ANKRD31: variants seen among roughly 807,000 people sequenced by gnomAD.
ANKRD31 encodes the protein ankyrin repeat domain-containing protein 31.
ANKRD31 carries 147 observed loss-of-function variants against 186.0 expected under a neutral mutation model. The ratio of observed to expected loss-of-function variants is 0.79; its 90% CI spans 0.69 to 0.91. The LOEUF (loss-of-function observed/expected upper bound fraction) is 0.91, where lower values mean the gene tolerates loss of function less well. ANKRD31 is among the 40% of genes least tolerant of loss of function. The pLI, the probability that ANKRD31 is intolerant of heterozygous loss-of-function variation, is 0.00. For synonymous variants in ANKRD31, 673 were observed against 736.4 expected (o/e 0.91, Z 1.39); for missense variants, 1,986 against 2,148.8 (o/e 0.92, Z 1.50).
intron 3 of ANKRD31, among the ~76,000 whole-genome samples, chr5:75,218,893 T>A (rs906815744): frequency 6.6e-6 from 1 of 152,160 alleles, no homozygotes; most frequent in African/African-American, 2.4e-5. Context: ...CACATGATTA[T>A]CCCAACAGAT....
chr5:75,083,805 A>G (rs1745275416), intron 24 of ANKRD31, among the ~76,000 whole-genome samples: 2 of 152,210 alleles, frequency 1.3e-5, no homozygotes, highest in African/African-American at 4.8e-5. Context: ...TGGTAAATCC[A>G]TATAATGGAA....
chr5:75,108,179 T>A lies in ANKRD31; in HGVS notation c.4244-562A>T, dbSNP rs1039609344. ...TTATTTTAAATACTTACACTATATATAATTATACATTATATGCACTTAAAA... is the reference window on the plus strand; with the variant it reads ...TTATTTTAAATACTTACACTATATAAAATTATACATTATATGCACTTAAAA... On this transcript the variant is annotated intron_variant, in intron 20 of 25. Transcript: ENST00000506364. 2.6e-5 allele frequency among the ~76,000 whole-genome samples: 4 copies of A among 151,882 alleles called. No individual in the cohort carries two copies. The South Asian group carries it at 6.2e-4, about 24-fold the overall frequency.
intron 18 of ANKRD31, among the ~76,000 whole-genome samples, chr5:75,117,463 C>A (rs762272514): frequency 2.6e-5 from 4 of 152,124 alleles, no homozygotes; most frequent in Non-Finnish European, 5.9e-5. Flanking sequence ...AATGAATATC[C>A]TTAGCTCTGA....
intron 24 of ANKRD31, among the ~76,000 whole-genome samples, chr5:75,080,921 A>AT (rs75298527): frequency 3.5e-5 from 5 of 142,484 alleles, no homozygotes; most frequent in East Asian, 2.0e-4. Flanking sequence ...ACACAAAATT[A>AT]TTTTTTTTTT....
chr5:75,139,949 G>T (rs1277632952), intron 15 of ANKRD31, among the ~76,000 whole-genome samples: 1 of 152,008 alleles, frequency 6.6e-6, no homozygotes, highest in Admixed American at 6.6e-5. Context: ...CCAGATCTCC[G>T]ACCCAAAGCC....
chr5:75,192,378 A>G (rs996112753), intron 9 of ANKRD31, among the ~76,000 whole-genome samples: 9 of 152,272 alleles, frequency 5.9e-5, no homozygotes, highest in African/African-American at 9.6e-5. Context: ...ATGCTTTTTC[A>G]TAGCCATATG....
chr5:75,089,481 T>C (rs1580301233), intron 23 of ANKRD31, among the ~76,000 whole-genome samples: 1 of 152,180 alleles, frequency 6.6e-6, no homozygotes, highest in Admixed American at 6.5e-5. Context: ...CATTTACCCA[T>C]GTAGCAAAAA....
At chr5:75,119,855 A>T (rs1748611224) in intron 17 of ANKRD31, among the ~76,000 whole-genome samples, 1 of 152,148 alleles carries the variant, frequency 6.6e-6, no homozygotes, top group Non-Finnish European at 1.5e-5. Context: ...GTGGTACTGA[A>T]CATTTTTTTC....
chr5:75,136,931 A>G (rs1264923719), intron 17 of ANKRD31, among the ~76,000 whole-genome samples: 1 of 151,756 alleles, frequency 6.6e-6, no homozygotes, highest in African/African-American at 2.4e-5. Context: ...ACCAAACACC[A>G]CATGTTCTCA....
intron 10 of ANKRD31, among the ~76,000 whole-genome samples, chr5:75,170,415 A>G (rs1432957194): frequency 6.6e-6 from 1 of 152,188 alleles, no homozygotes; most frequent in Non-Finnish European, 1.5e-5. Context: ...TAAATTGACT[A>G]ATCATGCTAA....
At chr5:75,183,316 A>G (rs148581353) in intron 10 of ANKRD31, among the ~76,000 whole-genome samples, 1 of 152,306 alleles carries the variant, frequency 6.6e-6, no homozygotes, top group Admixed American at 6.5e-5. Flanking sequence ...CTTCATATGA[A>G]ACAGGGAAAA....
At chr5:75,174,730 C>T (rs1369335789) in intron 10 of ANKRD31, among the ~76,000 whole-genome samples, 1 of 152,180 alleles carries the variant, frequency 6.6e-6, no homozygotes, top group East Asian at 1.9e-4. Flanking sequence ...CAGGAAACAA[C>T]AGATGCTGGA....
chr5:75,191,161 T>C (rs1330415278), intron 9 of ANKRD31, among the ~76,000 whole-genome samples: 2 of 152,286 alleles, frequency 1.3e-5, no homozygotes, highest in East Asian at 3.9e-4. Context: ...ATTTAAATCT[T>C]TGATCAATCT....
In ANKRD31 at chr5:75,104,749, A is replaced by C. The variant is rs752446409; in HGVS notation, c.4810T>G (p.Ser1604Ala). The part of the protein sequence containing the change: ...SDGTEKNKLP[S>A]QPVAFIGQTE... ...TGACCAATAAAAGCAACAGGTTGGGATGGTAATTTATTCTTCTCTGTGCCA... is the reference window on the plus strand; with the variant it reads ...TGACCAATAAAAGCAACAGGTTGGGCTGGTAATTTATTCTTCTCTGTGCCA... Residue 1604 changes from serine (S) to alanine (A), a missense_variant, in exon 22 of 26, where the codon TCC (serine) becomes GCC (alanine). By Grantham distance (99) the Ser-to-Ala change is moderately conservative. Coordinates refer to ENST00000506364, the MANE Select transcript of ANKRD31 (RefSeq NM_001372053.1). The C allele has an allele frequency of 4.0e-5, 61 of 1,537,110 alleles. No homozygotes were observed. In the Middle Eastern group the frequency reaches 1.0e-3, roughly 25 times the overall value.
intron 10 of ANKRD31, among the ~76,000 whole-genome samples, chr5:75,185,455 G>T (rs1293318238): frequency 6.6e-6 from 1 of 152,132 alleles, no homozygotes; most frequent in African/African-American, 2.4e-5. Context: ...CTACTCAGGT[G>T]GCTGAGAAAG....
chr5:75,197,047 C>G (rs544045020), intron 6 of ANKRD31, among the ~76,000 whole-genome samples: 4 of 152,144 alleles, frequency 2.6e-5, no homozygotes, highest in East Asian at 1.9e-4. Context: ...ATTACAGGAG[C>G]CTGCCACCAT....
At chr5:75,083,435 G>A (rs1462271801) in intron 24 of ANKRD31, among the ~76,000 whole-genome samples, 1 of 152,076 alleles carries the variant, frequency 6.6e-6, no homozygotes, top group African/African-American at 2.4e-5. Flanking sequence ...CTAAAAAGGG[G>A]AAAGCAGGCC....
At chr5:75,195,199 T>A (rs1313541133) in intron 7 of ANKRD31, among the ~76,000 whole-genome samples, 1 of 152,104 alleles carries the variant, frequency 6.6e-6, no homozygotes, top group Non-Finnish European at 1.5e-5. Flanking sequence ...ATATTCTATG[T>A]CAAAATGTAA....
chr5:75,125,883 A>C (rs1170924582), intron 17 of ANKRD31, among the ~76,000 whole-genome samples: 1 of 152,158 alleles, frequency 6.6e-6, no homozygotes, highest in Non-Finnish European at 1.5e-5. Flanking sequence ...GTGACCAAGA[A>C]ATAGGCCTTT....
Sources: allele counts gnomAD v4.1 joint callset (sites outside exome capture counted in the v4.1 genomes callset), GRCh38; gene constraint gnomAD v4.1.1; transcripts MANE v1.5; gene names NCBI Gene and HGNC (gene_info 2026-07-23, HGNC 2026-07-21).